GRIP1: variants seen among roughly 807,000 people sequenced by gnomAD.
GRIP1 encodes the protein glutamate receptor interacting protein 1.
In GRIP1, 45 loss-of-function variants were observed where a neutral mutation model predicts 129.9. That is an observed-to-expected ratio of 0.35 (90% CI 0.27 to 0.44). GRIP1 has a LOEUF of 0.44. Ranked by LOEUF, GRIP1 falls within the 20% of genes least tolerant of loss-of-function variation. The probability of loss-of-function intolerance (pLI) is 1.00; values close to 1 mark genes in which losing one functional copy is unlikely to be tolerated. For missense variants in GRIP1, 1,196 were observed against 1,396.8 expected (o/e 0.86, Z 2.29); for synonymous variants, 530 against 520.8 (o/e 1.02, Z -0.24).
At chr12:66,885,689 C>A (rs1315464677) in intron 1 of GRIP1, among the ~76,000 whole-genome samples, 1 of 152,128 alleles carries the variant, frequency 6.6e-6, no homozygotes, top group African/African-American at 2.4e-5. Context: ...CCAGATACAG[C>A]TGGTAAGCCT....
At chr12:66,937,795 A>G (rs780654055) in intron 1 of GRIP1, among the ~76,000 whole-genome samples, 2 of 152,208 alleles carry the variant, frequency 1.3e-5, no homozygotes, top group African/African-American at 2.4e-5. Flanking sequence ...TGATGCTACA[A>G]TAATTGACAA....
chr12:66,833,041 G>A (rs2039546503), intron 1 of GRIP1, among the ~76,000 whole-genome samples: 1 of 152,170 alleles, frequency 6.6e-6, no homozygotes, highest in African/African-American at 2.4e-5. Context: ...TACCAACTTA[G>A]GGCAGAATCT....
At chr12:66,689,499 T>C (rs988319749) in intron 1 of GRIP1, among the ~76,000 whole-genome samples, 3 of 152,212 alleles carry the variant, frequency 2.0e-5, no homozygotes, top group East Asian at 1.9e-4. Context: ...TCAAAAGGCA[T>C]ATGCAGGAGA....
intron 1 of GRIP1, among the ~76,000 whole-genome samples, chr12:66,751,249 A>G (rs2037117798): frequency 6.6e-6 from 1 of 152,182 alleles, no homozygotes; most frequent in South Asian, 2.1e-4. Context: ...AAATGTAATG[A>G]AAAGGAAAAG....
chr12:66,419,113 T>C lies in GRIP1; in HGVS notation c.1838+1607A>G, dbSNP rs2057712800. 1.3e-5 allele frequency among the ~76,000 whole-genome samples: 2 copies of C among 151,964 alleles called. 1 individual carries two copies. Among genetic ancestry groups the C allele is most frequent in the Admixed American group, 1.3e-4 (2 of 15,264 alleles). On this transcript the variant is annotated intron_variant, in intron 15 of 24. Coordinates refer to ENST00000359742, the MANE Select transcript of GRIP1 (RefSeq NM_001366722.1). Reference sequence around the variant, plus strand: ...TATACAATGGAGTTCCATTCAGCCATAAAAAAGAACGAGATCCTGTCATTT... The same window carrying C: ...TATACAATGGAGTTCCATTCAGCCACAAAAAAGAACGAGATCCTGTCATTT...
At chr12:66,661,526 T>A (rs2033510916) in intron 1 of GRIP1, among the ~76,000 whole-genome samples, 1 of 151,888 alleles carries the variant, frequency 6.6e-6, no homozygotes, top group Non-Finnish European at 1.5e-5. Context: ...TATTTTCAAT[T>A]TGACTTGGGG....
At chr12:66,634,575 C>T (rs1409361071) in intron 1 of GRIP1, among the ~76,000 whole-genome samples, 1 of 152,180 alleles carries the variant, frequency 6.6e-6, no homozygotes, top group Non-Finnish European at 1.5e-5. Flanking sequence ...GAACTAAGTT[C>T]TTTTAGCTTT....
intron 1 of GRIP1, among the ~76,000 whole-genome samples, chr12:67,000,353 C>T (rs565162974): frequency 3.0e-4 from 46 of 152,142 alleles, no homozygotes; most frequent in Admixed American, 1.4e-3. Context: ...TATATTTCTC[C>T]GAATCTTCAT....
At chr12:66,479,713 T>C (rs928560584) in intron 7 of GRIP1, among the ~76,000 whole-genome samples, 1 of 152,260 alleles carries the variant, frequency 6.6e-6, no homozygotes, top group African/African-American at 2.4e-5. Context: ...ATCAAAAGCT[T>C]ATCCACAATG....
intron 4 of GRIP1, among the ~76,000 whole-genome samples, chr12:66,531,671 A>G (rs141503156): frequency 2.1e-3 from 315 of 152,288 alleles, no homozygotes; most frequent in Admixed American, 4.1e-3. Flanking sequence ...TAGGAACAGT[A>G]CTCACAAACA....
chr12:67,040,121 G>C (rs181397065), intron 1 of GRIP1, among the ~76,000 whole-genome samples: 1 of 152,026 alleles, frequency 6.6e-6, no homozygotes, highest in Non-Finnish European at 1.5e-5. Context: ...GACCACAAAG[G>C]CCTCTATGCC....
chr12:66,842,581 T>C (rs2137052867), intron 1 of GRIP1, among the ~76,000 whole-genome samples: 1 of 152,322 alleles, frequency 6.6e-6, no homozygotes, highest in East Asian at 1.9e-4. Context: ...TTTTTGCTAT[T>C]ATGAAAACAT....
intron 1 of GRIP1, among the ~76,000 whole-genome samples, chr12:66,697,770 G>A (rs11176385): frequency 0.041 from 6,224 of 152,196 alleles, 255 homozygotes; most frequent in East Asian, 0.2. Context: ...CAACAGATTC[G>A]AAAGTATTTT....
At chr12:66,593,406 A>T (rs1050582362) in intron 2 of GRIP1, among the ~76,000 whole-genome samples, 1 of 152,234 alleles carries the variant, frequency 6.6e-6, no homozygotes, top group Non-Finnish European at 1.5e-5. Context: ...ATAAAAACAA[A>T]TTATGATTCT....
intron 2 of GRIP1, among the ~76,000 whole-genome samples, chr12:66,591,773 G>C (rs865988239): frequency 6.6e-6 from 1 of 152,044 alleles, no homozygotes; most frequent in Admixed American, 6.6e-5. Context: ...GGGACCACAC[G>C]TGCATGCCAC....
chr12:67,039,715 T>G (rs1303957992), intron 1 of GRIP1, among the ~76,000 whole-genome samples: 1 of 152,190 alleles, frequency 6.6e-6, no homozygotes, highest in Admixed American at 6.5e-5. Context: ...TCTTTCTAGA[T>G]AAATGAAAAC....
At chr12:66,511,757 AAGG>A (rs1355495422) in intron 7 of GRIP1, among the ~76,000 whole-genome samples, 1 of 152,224 alleles carries the variant, frequency 6.6e-6, no homozygotes, top group African/African-American at 2.4e-5. Flanking sequence ...TTTCTCAGGC[AAGG>A]AGAACTGAGA....
chr12:66,536,085 C>T (rs1055960876), intron 4 of GRIP1, among the ~76,000 whole-genome samples: 3 of 152,150 alleles, frequency 2.0e-5, no homozygotes, highest in African/African-American at 7.2e-5. Flanking sequence ...TCCTCTTTTT[C>T]TGCACAACTC....
chr12:66,640,849 A>G (rs1305651341), intron 1 of GRIP1, among the ~76,000 whole-genome samples: 1 of 152,224 alleles, frequency 6.6e-6, no homozygotes, highest in Non-Finnish European at 1.5e-5. Flanking sequence ...TTGACTTTTA[A>G]AGCAAAAACA....
Sources: gnomAD v4.1 joint callset for allele counts (sites outside exome capture counted in the v4.1 genomes callset) on GRCh38, gnomAD v4.1.1 for gene constraint, MANE v1.5 for transcripts, NCBI Gene and HGNC (gene_info 2026-07-23, HGNC 2026-07-21) for gene names.